FBXL7: variants seen among roughly 807,000 people sequenced by gnomAD.
The protein encoded by FBXL7 is F-box and leucine rich repeat protein 7.
A neutral mutation model predicts 38.3 loss-of-function variants in FBXL7; 12 were observed. The ratio of observed to expected loss-of-function variants is 0.31; its 90% confidence interval spans 0.20 to 0.51. FBXL7 has a LOEUF of 0.51. Ranked by LOEUF, FBXL7 falls within the 20% of genes least tolerant of loss-of-function variation. The pLI is 0.98. For synonymous variants in FBXL7, 297 were observed against 300.9 expected, an observed-to-expected ratio of 0.99 and a Z score of 0.13; for missense variants, 567 against 676.4, an observed-to-expected ratio of 0.84 and a Z score of 1.79.
At chr5:15,503,289 C>CGCAT (rs1736550640) in intron 1 of FBXL7, among the ~76,000 whole-genome samples, 1 of 152,110 alleles carries the variant, frequency 6.6e-6, no homozygotes, top group African/African-American at 2.4e-5. Flanking sequence ...GGCGTGGTGG[C>CGCAT]GCATGCCTGT....
In FBXL7 at chr5:15,781,773, G is replaced by C. The variant is rs535607523; in HGVS notation, c.128-146117G>C. Among the ~76,000 whole-genome samples, 62 of 152,260 alleles carry C rather than the reference G, an allele frequency of 4.1e-4. No individual in the cohort carries two copies. In the Middle Eastern group the frequency reaches 0.01, roughly 25 times the overall value. On this transcript the variant is annotated intron_variant, in intron 2 of 3. Coordinates refer to ENST00000504595, the MANE Select transcript of FBXL7 (RefSeq NM_012304.5). ...TTGATAAGTATTGCTATAAAGGAGA[G>C]TGTAAAACTGGGGCAGATGTTGAAG...
chr5:15,722,905 G>C (rs1744238920), intron 2 of FBXL7, among the ~76,000 whole-genome samples: 1 of 138,624 alleles, frequency 7.2e-6, no homozygotes, highest in African/African-American at 2.6e-5. Flanking sequence ...CCTGCTGACA[G>C]AGCAAGACTC....
chr5:15,656,212 C>G lies in FBXL7; in HGVS notation c.127+40140C>G, dbSNP rs891716147. 3.3e-5 allele frequency among the ~76,000 whole-genome samples: 5 copies of G among 152,092 alleles called. No individual in the cohort carries two copies. In the East Asian group the frequency reaches 9.6e-4, roughly 29 times the overall value. ...TTGCTAAAGCCTTACGTGTTTAGGC[C>G]TAGTTCAAAATAAACTTTGTGAAGT... On this transcript the variant is annotated intron_variant, in intron 2 of 3. Transcript: ENST00000504595.
chr5:15,849,638 T>A (rs747823399), intron 2 of FBXL7, among the ~76,000 whole-genome samples: 6 of 152,174 alleles, frequency 3.9e-5, no homozygotes, highest in Non-Finnish European at 5.9e-5. Context: ...GAACTGTGAG[T>A]CCACTAAACC....
chr5:15,650,975 A>G (rs1364346108), intron 2 of FBXL7, among the ~76,000 whole-genome samples: 3 of 152,092 alleles, frequency 2.0e-5, no homozygotes, highest in Non-Finnish European at 4.4e-5. Context: ...CTGCTCCTTG[A>G]GTCATGTTCT....
chr5:15,893,215 A>C (rs1740985160), intron 2 of FBXL7, among the ~76,000 whole-genome samples: 2 of 152,106 alleles, frequency 1.3e-5, no homozygotes, highest in Non-Finnish European at 2.9e-5. Context: ...GTCTGACCCC[A>C]ATCAGTCTCT....
At chr5:15,692,535 T>C (rs1020523851) in intron 2 of FBXL7, among the ~76,000 whole-genome samples, 7 of 152,188 alleles carry the variant, frequency 4.6e-5, no homozygotes, top group Non-Finnish European at 8.8e-5. Context: ...AAGCCTGTTC[T>C]CCTGAATTAA....
intron 2 of FBXL7, among the ~76,000 whole-genome samples, chr5:15,637,144 AAAT>A (rs1741214120): frequency 6.6e-6 from 1 of 152,218 alleles, no homozygotes; most frequent in African/African-American, 2.4e-5. Flanking sequence ...AAGTTAGAAA[AAAT>A]AATGATAGCA....
chr5:15,927,239 C>A (rs563702529), intron 2 of FBXL7, among the ~76,000 whole-genome samples: 10 of 152,216 alleles, frequency 6.6e-5, no homozygotes, highest in African/African-American at 2.4e-4. Context: ...ACAACAGTGG[C>A]AGGGCTTGTC....
chr5:15,806,850 CT>C (rs1456375257), intron 2 of FBXL7, among the ~76,000 whole-genome samples: 4 of 152,250 alleles, frequency 2.6e-5, no homozygotes, highest in Admixed American at 2.0e-4. Context: ...TCCTCTCCCT[CT>C]GTGACTCGCT....
intron 2 of FBXL7, among the ~76,000 whole-genome samples, chr5:15,773,210 T>C (rs1736775461): frequency 6.6e-6 from 1 of 152,204 alleles, no homozygotes; most frequent in Non-Finnish European, 1.5e-5. Context: ...TGACCCTTCT[T>C]TTCAAGGTCT....
Position 15,592,718 on chromosome 5 carries a change from GTTGT to G in FBXL7, c.38-23258_38-23255del, listed in dbSNP as rs141205145. Among the ~76,000 whole-genome samples, 979 of 152,218 alleles carry G rather than the reference GTTGT, an allele frequency of 6.4e-3. 8 individuals are homozygous for G. Among genetic ancestry groups the G allele is most frequent in the African/African-American group, 0.023 (944 of 41,532 alleles). On this transcript the variant is annotated intron_variant, in intron 1 of 3. Coordinates refer to ENST00000504595, the MANE Select transcript of FBXL7 (RefSeq NM_012304.5). ...CTAGTCCGGACCTTTAGTTTTTGGA[GTTGT>G]TTGTTTTCTGTATAAATTTAAAATG...
intron 2 of FBXL7, among the ~76,000 whole-genome samples, chr5:15,730,166 AT>A (rs373104478): frequency 0.021 from 3,205 of 150,812 alleles, 37 homozygotes; most frequent in African/African-American, 0.034. Context: ...AATTTTACAG[AT>A]TTTTTTTTTC....
At chr5:15,722,930 C>CAAAA (rs1554017097) in intron 2 of FBXL7, among the ~76,000 whole-genome samples, 4 of 142,080 alleles carry the variant, frequency 2.8e-5, no homozygotes, top group Non-Finnish European at 6.1e-5. Flanking sequence ...TCAAAAAAAA[C>CAAAA]AAAAAAAAAA....
chr5:15,590,525 T>C (rs2126479653), intron 1 of FBXL7, among the ~76,000 whole-genome samples: 1 of 152,214 alleles, frequency 6.6e-6, no homozygotes, highest in East Asian at 1.9e-4. Context: ...TTTTTCTCTT[T>C]TATCTGTCTT....
At chr5:15,655,456 T>C (rs1741844654) in intron 2 of FBXL7, among the ~76,000 whole-genome samples, 4 of 150,378 alleles carry the variant, frequency 2.7e-5, no homozygotes, top group Middle Eastern at 3.4e-3. Flanking sequence ...ATCTCGTCAC[T>C]GCACTCCAGC....
intron 2 of FBXL7, among the ~76,000 whole-genome samples, chr5:15,850,529 A>G (rs993419622): frequency 1.3e-5 from 2 of 152,234 alleles, no homozygotes; most frequent in African/African-American, 4.8e-5. Flanking sequence ...TGACAAAGGT[A>G]GAAGGGCCTT....
intron 1 of FBXL7, among the ~76,000 whole-genome samples, chr5:15,506,063 G>A (rs901010963): frequency 1.3e-5 from 2 of 152,044 alleles, no homozygotes; most frequent in African/African-American, 2.4e-5. Context: ...ACAGTTTTAC[G>A]GATAGAATAT....
Position 15,500,648 on chromosome 5 carries a change from C to T in FBXL7, c.-29C>T. On this transcript the variant is annotated 5_prime_UTR_variant, in exon 1 of 4. Coordinates refer to ENST00000504595, the MANE Select transcript of FBXL7 (RefSeq NM_012304.5). ...CGTGCGCCGCAGCTATGGAGTGTCC[C>T]GGGAGACGGCGGGCATGACGGCTAC... The T allele has an allele frequency of 6.2e-7, 1 of 1,613,404 alleles. No homozygotes were observed. Among genetic ancestry groups the T allele is most frequent in the Non-Finnish European group, 8.5e-7 (1 of 1,179,550 alleles).
Sources: gnomAD v4.1 joint callset for allele counts (sites outside exome capture counted in the v4.1 genomes callset) on GRCh38, gnomAD v4.1.1 for gene constraint, MANE v1.5 for transcripts, NCBI Gene and HGNC (gene_info 2026-07-23, HGNC 2026-07-21) for gene names.